Variants in COL14A1 observed in about 807,000 individuals in gnomAD.
COL14A1 encodes the protein collagen alpha-1(XIV) chain.
COL14A1 carries 136 observed loss-of-function variants against 230.3 expected under a neutral mutation model. That is an observed-to-expected ratio of 0.59 (90% CI 0.51 to 0.68). The LOEUF is 0.68. Ranked by LOEUF, COL14A1 falls within the 30% of genes least tolerant of loss-of-function variation. The pLI is 0.00. For synonymous variants in COL14A1, 792 were observed against 784.1 expected, an observed-to-expected ratio of 1.01 and a Z score of -0.17; for missense variants, 1,976 against 2,215.8, an observed-to-expected ratio of 0.89 and a Z score of 2.17.
At chr8:120,335,342 A>G (rs1822019138) in intron 42 of COL14A1, among the ~76,000 whole-genome samples, 2 of 152,332 alleles carry the variant, frequency 1.3e-5, no homozygotes, top group South Asian at 4.2e-4. Context: ...GGGGCCCTTG[A>G]AAGCAGCAGG....
chr8:120,206,249 A>G (rs1342490279), intron 9 of COL14A1, among the ~76,000 whole-genome samples: 1 of 152,232 alleles, frequency 6.6e-6, no homozygotes, highest in East Asian at 1.9e-4. Context: ...TGAAGTGTGA[A>G]CAGTAATAGG....
At chr8:120,263,902 T>C (rs1819424580) in intron 24 of COL14A1, among the ~76,000 whole-genome samples, 1 of 152,214 alleles carries the variant, frequency 6.6e-6, no homozygotes. Flanking sequence ...TTCTTTTACG[T>C]AATACAAAGA....
At chr8:120,181,147 G>C (rs1397458725) in intron 5 of COL14A1, among the ~76,000 whole-genome samples, 1 of 152,126 alleles carries the variant, frequency 6.6e-6, no homozygotes, top group Admixed American at 6.5e-5. Flanking sequence ...GGAGCTGCAA[G>C]GATGGCATTA....
chr8:120,305,432 A>G (rs371837532), intron 36 of COL14A1, among the ~76,000 whole-genome samples: 2 of 152,254 alleles, frequency 1.3e-5, no homozygotes, highest in Non-Finnish European at 2.9e-5. Context: ...AATTATGACC[A>G]AAGAAATAGC....
intron 45 of COL14A1, among the ~76,000 whole-genome samples, chr8:120,350,520 C>T (rs1218381928): frequency 6.7e-6 from 1 of 150,014 alleles, no homozygotes; most frequent in Non-Finnish European, 1.5e-5. Flanking sequence ...TACATAGGCT[C>T]AAAATAAAAG....
intron 5 of COL14A1, among the ~76,000 whole-genome samples, chr8:120,174,112 A>C (rs78458448): frequency 0.01 from 1,564 of 152,314 alleles, 31 homozygotes; most frequent in African/African-American, 0.036. Flanking sequence ...CACATCTGCT[A>C]TTCCTTCCAT....
chr8:120,130,116 C>T (rs962339258), intron 1 of COL14A1, among the ~76,000 whole-genome samples: 2 of 152,172 alleles, frequency 1.3e-5, no homozygotes, highest in African/African-American at 4.8e-5. Flanking sequence ...AAAAACTACA[C>T]GATGATGTAA....
chr8:120,188,775 T>C (rs558318094), intron 5 of COL14A1, among the ~76,000 whole-genome samples: 9 of 152,236 alleles, frequency 5.9e-5, no homozygotes, highest in Non-Finnish European at 1.3e-4. Context: ...ATTTATGTTA[T>C]TTTACAAATT....
chr8:120,278,478 G>A lies in COL14A1; in HGVS notation c.3381G>A (p.Glu1127=). The A allele has an allele frequency of 6.2e-7, 1 of 1,613,178 alleles. No individual in the cohort carries two copies. The highest frequency in any genetic ancestry group is 8.5e-7 in the Non-Finnish European group (1 of 1,179,518). ...TTCGAGATACCTTGTTCACTGCAGAGTCAGGTACAAGAAGGGGCATCCCAA... is the reference window on the plus strand; with the variant it reads ...TTCGAGATACCTTGTTCACTGCAGAATCAGGTACAAGAAGGGGCATCCCAA... ...KYVRDTLFTA[E]SGTRRGIPKV... The change falls in exon 28 of 48, where the codon GAG becomes GAA. Residue 1127 remains glutamate (E), a synonymous_variant. Transcript: ENST00000297848.
chr8:120,210,306 A>G (rs1297588767), intron 12 of COL14A1, among the ~76,000 whole-genome samples: 1 of 152,176 alleles, frequency 6.6e-6, no homozygotes, highest in Non-Finnish European at 1.5e-5. Context: ...AATATTCCTA[A>G]CATATGTTTT....
intron 45 of COL14A1, 114 bp from the exon 46 acceptor site, chr8:120,367,057 G>A (rs886165137): frequency 1.1e-5 from 8 of 723,864 alleles, no homozygotes; most frequent in Admixed American, 6.0e-5. Context: ...AACCCCAAAC[G>A]AACCCACTTA....
intron 26 of COL14A1, among the ~76,000 whole-genome samples, chr8:120,275,252 C>A (rs1198606413): frequency 6.6e-6 from 1 of 151,814 alleles, no homozygotes; most frequent in Non-Finnish European, 1.5e-5. Context: ...GAAATGACAC[C>A]CTATTTAATA....
chr8:120,257,261 C>G (rs1213855979), intron 23 of COL14A1, among the ~76,000 whole-genome samples: 3 of 152,170 alleles, frequency 2.0e-5, no homozygotes. Flanking sequence ...CCTTTATAGT[C>G]TTAATTGAAC....
chr8:120,176,965 G>T (rs1389024307), intron 5 of COL14A1, among the ~76,000 whole-genome samples: 2 of 152,006 alleles, frequency 1.3e-5, no homozygotes, highest in Non-Finnish European at 2.9e-5. Context: ...CTAGAAAATT[G>T]CTCCTTATCC....
chr8:120,293,880 T>C (rs915248887), intron 34 of COL14A1, among the ~76,000 whole-genome samples: 1 of 114,914 alleles, frequency 8.7e-6, no homozygotes, highest in Middle Eastern at 3.8e-3. Flanking sequence ...TGAATTTTAT[T>C]TTCTAATTTA....
chr8:120,341,282 A>C (rs1157205910), intron 42 of COL14A1, 43 bp from the exon 43 acceptor site: 1 of 1,592,042 alleles, frequency 6.3e-7, no homozygotes. Context: ...CTCTTAGCTA[A>C]GTGCAATATC....
chr8:120,240,190 T>A (rs1230047677), intron 19 of COL14A1, among the ~76,000 whole-genome samples: 1 of 152,100 alleles, frequency 6.6e-6, no homozygotes, highest in Non-Finnish European at 1.5e-5. Flanking sequence ...ACTGTTTTTT[T>A]TTTTCTCTCT....
At chr8:120,195,984 C>T (rs2130706757) in intron 5 of COL14A1, among the ~76,000 whole-genome samples, 1 of 152,270 alleles carries the variant, frequency 6.6e-6, no homozygotes, top group Non-Finnish European at 1.5e-5. Flanking sequence ...CAGGCAGCCT[C>T]CTCCATTGTT....
At chr8:120,184,346 C>G (rs1816578840) in intron 5 of COL14A1, among the ~76,000 whole-genome samples, 1 of 151,712 alleles carries the variant, frequency 6.6e-6, no homozygotes, top group Admixed American at 6.6e-5. Flanking sequence ...CCTCTGCCTT[C>G]CAGATTCAAG....
Sources: allele counts gnomAD v4.1 joint callset (sites outside exome capture counted in the v4.1 genomes callset), GRCh38; gene constraint gnomAD v4.1.1; transcripts MANE v1.5; gene names NCBI Gene and HGNC (gene_info 2026-07-23, HGNC 2026-07-21).